Variants in MSR1 observed in about 807,000 individuals in gnomAD.
MSR1 encodes macrophage scavenger receptor 1.
In MSR1, 53 loss-of-function variants were observed where a neutral mutation model predicts 47.2. The observed-to-expected ratio is 1.12, with a 90% CI of 0.90 to 1.41. The LOEUF is 1.41. Ranked by LOEUF, MSR1 falls within the 40% of genes most tolerant of loss-of-function variation. The pLI, the probability that MSR1 is intolerant of heterozygous loss-of-function variation, is 0.00. For synonymous variants in MSR1, 239 were observed against 185.6 expected (o/e 1.29, Z -2.34); for missense variants, 786 against 546.9 (o/e 1.44, Z -4.36).
rs915302034 is a variant in MSR1, at chr8:16,140,244, C to G, written c.1033+3314G>C. On this transcript the variant is annotated intron_variant, in intron 8 of 9. Coordinates refer to ENST00000262101, the MANE Select transcript of MSR1 (RefSeq NM_138715.3). ...TAGACTCTAGGTGAATGCGTGTAGT[C>G]CAGCCTGTGCAATAGAACAAGGCTC... 2.2e-5 allele frequency: 22 copies of G among 984,138 alleles called. No individual in the cohort carries two copies. In the Admixed American group the frequency reaches 4.9e-4, roughly 22 times the overall value. 61.0% of individuals were successfully genotyped at this position (984,138 alleles called of 1,614,324 possible). A position where few individuals can be genotyped will look rare whatever the true frequency, so the allele number is the denominator to read the frequency against.
intron 8 of MSR1, among the ~76,000 whole-genome samples, chr8:16,132,297 A>C (rs1241112012): frequency 6.6e-6 from 1 of 151,848 alleles, no homozygotes; most frequent in Non-Finnish European, 1.5e-5. Context: ...CTTGACTGTT[A>C]TTGGTGTACA....
intron 9 of MSR1, among the ~76,000 whole-genome samples, chr8:16,111,436 G>A (rs1405391618): frequency 1.3e-5 from 2 of 152,096 alleles, no homozygotes; most frequent in Admixed American, 1.3e-4. Flanking sequence ...TGATGCTTTC[G>A]AATTGTATTT....
At chr8:16,166,779 G>C (rs1329090553) in intron 4 of MSR1, among the ~76,000 whole-genome samples, 1 of 151,944 alleles carries the variant, frequency 6.6e-6, no homozygotes, top group Admixed American at 6.6e-5. Flanking sequence ...TGTTATGCTG[G>C]TGTCACTTAT....
At chr8:16,112,100 T>G (rs961297649) in intron 9 of MSR1, among the ~76,000 whole-genome samples, 1 of 152,174 alleles carries the variant, frequency 6.6e-6, no homozygotes, top group Non-Finnish European at 1.5e-5. Flanking sequence ...TACTGGCATC[T>G]AGAGCCTCTG....
At chr8:16,161,503 A>G (rs1307993077) in intron 5 of MSR1, among the ~76,000 whole-genome samples, 1 of 151,980 alleles carries the variant, frequency 6.6e-6, no homozygotes, top group African/African-American at 2.4e-5. Flanking sequence ...TATATATGAT[A>G]TGTGTTCTGT....
chr8:16,169,439 G>A (rs1801418196), intron 3 of MSR1, among the ~76,000 whole-genome samples: 1 of 152,178 alleles, frequency 6.6e-6, no homozygotes, highest in Non-Finnish European at 1.5e-5. Flanking sequence ...TTCACAGTTG[G>A]TGGAGCAGGA....
intron 1 of MSR1, among the ~76,000 whole-genome samples, chr8:16,189,064 A>T (rs997743190): frequency 1.4e-5 from 2 of 144,964 alleles, no homozygotes; most frequent in Admixed American, 7.0e-5. Context: ...ATAAAACCTT[A>T]TTTTACATAT....
intron 9 of MSR1, among the ~76,000 whole-genome samples, chr8:16,115,867 G>T (rs1799866480): frequency 6.6e-6 from 1 of 152,028 alleles, no homozygotes; most frequent in African/African-American, 2.4e-5. Context: ...CAGGCCTGTG[G>T]TCCCGAGAAA....
chr8:16,112,484 TTTG>T (rs1799779709), intron 9 of MSR1, among the ~76,000 whole-genome samples: 1 of 152,012 alleles, frequency 6.6e-6, no homozygotes, highest in Admixed American at 6.6e-5. Flanking sequence ...TTTCCAAAGA[TTTG>T]TTGTTTTATT....
At chr8:16,186,972 C>T (rs570243373) in intron 1 of MSR1, among the ~76,000 whole-genome samples, 1 of 152,084 alleles carries the variant, frequency 6.6e-6, no homozygotes, top group South Asian at 2.1e-4. Flanking sequence ...TGAATTAATT[C>T]TCCACACACT....
rs1263548048 is a variant in MSR1, at chr8:16,175,183, T to C, written c.217+4A>G. 7 of 1,612,370 alleles carry C rather than the reference T, an allele frequency of 4.3e-6. No individual in the cohort carries two copies. The highest frequency in any genetic ancestry group is 2.2e-5 in the East Asian group (1 of 44,840). ...CTAAATTTCAAAACTCTGGGTTACG[T>C]TACCTGCCACTATTCCAATGAGAGG... On this transcript the variant is annotated splice_donor_region_variant and intron_variant, in intron 3 of 9. Coordinates refer to ENST00000262101, the MANE Select transcript of MSR1 (RefSeq NM_138715.3).
At chr8:16,189,157 T>C (rs367700359) in intron 1 of MSR1, among the ~76,000 whole-genome samples, 39 of 138,912 alleles carry the variant, frequency 2.8e-4, no homozygotes, top group East Asian at 1.3e-3. Context: ...CATATATACG[T>C]AAAACCTTAT....
At position 16,109,863 on chromosome 8, in the gene MSR1, T is replaced by C; in HGVS notation, c.*222A>G. The C allele has an allele frequency of 1.7e-6, 1 of 581,388 alleles. No homozygotes were observed. Among genetic ancestry groups the C allele is most frequent in the Non-Finnish European group, 3.0e-6 (1 of 337,280 alleles). 36.0% of individuals were successfully genotyped at this position (581,388 alleles called of 1,614,324 possible). A position where few individuals can be genotyped will look rare whatever the true frequency, so the allele number is the denominator to read the frequency against. On this transcript the variant is annotated 3_prime_UTR_variant, in exon 10 of 10. Transcript: ENST00000262101. ...TCAATTCAGCATATAAGTCATTATA[T>C]TAGAAAATTCCATTTAAAAACCTAT... is the stretch of plus-strand genomic sequence containing the variant.
intron 1 of MSR1, among the ~76,000 whole-genome samples, chr8:16,186,977 C>A (rs148576710): frequency 6.6e-6 from 1 of 151,992 alleles, no homozygotes; most frequent in Non-Finnish European, 1.5e-5. Flanking sequence ...TAATTCTCCA[C>A]ACACTTCCCA....
chr8:16,110,305 A>C (rs1799728987), intron 9 of MSR1, 87 bp from the exon 10 acceptor site: 2 of 1,447,140 alleles, frequency 1.4e-6, no homozygotes, highest in South Asian at 1.1e-5. Flanking sequence ...TCCTTCACTA[A>C]TTAAACAAAA....
rs1024258376 is a variant in MSR1 at position 16,140,201 on chromosome 8, A to G, written c.1033+3357T>C. ...CTCATGACAGTTCTCCTAGAACCCA[A>G]TAAATTAAATTGTGTTCTAGACTCT... On this transcript the variant is annotated intron_variant, in intron 8 of 9. Transcript: ENST00000262101. The G allele has an allele frequency of 3.1e-5, 31 of 985,172 alleles. 1 individual carries two copies. Among genetic ancestry groups the G allele is most frequent in the Non-Finnish European group, 3.7e-5 (31 of 829,798 alleles). The allele number at this position is 985,172 out of a possible 1,614,324, so 61.0% of individuals were successfully genotyped here.
intron 8 of MSR1, among the ~76,000 whole-genome samples, chr8:16,142,570 C>G (rs1049533914): frequency 3.3e-5 from 5 of 152,126 alleles, no homozygotes; most frequent in African/African-American, 9.7e-5. Flanking sequence ...TATTCACAAC[C>G]ATGCCCTACT....
intron 2 of MSR1, among the ~76,000 whole-genome samples, chr8:16,175,926 A>G (rs1471109557): frequency 6.6e-6 from 1 of 152,220 alleles, no homozygotes; most frequent in Non-Finnish European, 1.5e-5. Flanking sequence ...TATTAATAAC[A>G]GTAACCTTTT....
intron 1 of MSR1, among the ~76,000 whole-genome samples, chr8:16,180,132 C>G (rs1801785425): frequency 6.6e-6 from 1 of 151,686 alleles, no homozygotes; most frequent in Non-Finnish European, 1.5e-5. Context: ...CCTTCTCCCT[C>G]TCTCCTCTCT....
Sources: gnomAD v4.1 joint callset for allele counts (sites outside exome capture counted in the v4.1 genomes callset) on GRCh38, gnomAD v4.1.1 for gene constraint, MANE v1.5 for transcripts, NCBI Gene and HGNC (gene_info 2026-07-23, HGNC 2026-07-21) for gene names.